The following DLC1 variants were observed in gnomAD, a reference collection of about 807,000 sequenced individuals.
The protein encoded by DLC1 is rho GTPase-activating protein 7.
A neutral mutation model predicts 140.3 loss-of-function variants in DLC1; 54 were observed. The observed-to-expected ratio is 0.38, with a 90% confidence interval of 0.31 to 0.48. The LOEUF (loss-of-function observed/expected upper bound fraction) is 0.48. DLC1 is among the 20% of genes least tolerant of loss of function. The pLI is 0.96. For missense variants in DLC1, 2,536 were observed against 1,907.0 expected (o/e 1.33, Z -6.14); for synonymous variants, 986 against 728.1 (o/e 1.35, Z -5.70).
chr8:13,319,237 A>G (rs1410242334), intron 4 of DLC1, among the ~76,000 whole-genome samples: 1 of 152,232 alleles, frequency 6.6e-6, no homozygotes, highest in Non-Finnish European at 1.5e-5. Flanking sequence ...GTAAGCATGT[A>G]AAAGACACCT....
intron 4 of DLC1, among the ~76,000 whole-genome samples, chr8:13,389,376 C>G (rs1384721969): frequency 5.9e-5 from 9 of 152,030 alleles, no homozygotes; most frequent in Non-Finnish European, 1.0e-4. Context: ...AATCAAAGCA[C>G]TTTACATAAC....
At position 13,376,505 on chromosome 8, in the gene DLC1, C is replaced by T. The variant is rs563350982; in HGVS notation, c.1314+17048G>A. On this transcript the variant is annotated intron_variant, in intron 4 of 17. Coordinates refer to ENST00000276297, the MANE Select transcript of DLC1 (RefSeq NM_182643.3). ...CCTGCCTGCAACCTACCCTTTCAAT[C>T]AGGCAATTTTAAATATGGGAAAGGC... Among the ~76,000 whole-genome samples the T allele has an allele frequency of 2.0e-5, 3 of 152,234 alleles. No homozygotes were observed. The East Asian group carries it at 5.8e-4, about 29-fold the overall frequency.
chr8:13,427,094 A>G (rs147001617), intron 2 of DLC1, among the ~76,000 whole-genome samples: 63 of 152,052 alleles, frequency 4.1e-4, no homozygotes, highest in African/African-American at 1.3e-3. Context: ...TCATTTTAGA[A>G]ATGTGTCTTT....
intron 4 of DLC1, among the ~76,000 whole-genome samples, chr8:13,350,639 CA>C (rs1351397952): frequency 6.6e-6 from 1 of 152,068 alleles, no homozygotes; most frequent in Non-Finnish European, 1.5e-5. Flanking sequence ...TCGCTTGAAC[CA>C]GGGAGGCGGA....
intron 1 of DLC1, among the ~76,000 whole-genome samples, chr8:13,579,245 C>CATATACATAT (rs1554546968): frequency 6.9e-4 from 13 of 18,898 alleles, no homozygotes; most frequent in African/African-American, 2.1e-3. Flanking sequence ...GAACAGGGAG[C>CATATACATAT]ATATATATAT....
chr8:13,263,816 T>G (rs1830567508), intron 5 of DLC1, among the ~76,000 whole-genome samples: 1 of 151,646 alleles, frequency 6.6e-6, no homozygotes, highest in Non-Finnish European at 1.5e-5. Flanking sequence ...TAATATATGT[T>G]GAACTTTGGC....
intron 1 of DLC1, among the ~76,000 whole-genome samples, chr8:13,539,752 G>A (rs1419902717): frequency 1.0e-5 from 1 of 98,612 alleles, no homozygotes; most frequent in Non-Finnish European, 2.5e-5. Context: ...GTGTGTGTAT[G>A]TGTGTGTGTG....
At chr8:13,414,036 AC>A (rs1837933357) in intron 2 of DLC1, among the ~76,000 whole-genome samples, 1 of 152,140 alleles carries the variant, frequency 6.6e-6, no homozygotes, top group Non-Finnish European at 1.5e-5. Context: ...CTTATTGAAA[AC>A]AAAAACACAA....
At chr8:13,493,036 G>GA (rs1460014423) in intron 2 of DLC1, among the ~76,000 whole-genome samples, 2 of 152,148 alleles carry the variant, frequency 1.3e-5, no homozygotes, top group Non-Finnish European at 2.9e-5. Flanking sequence ...ACTGTCACAG[G>GA]AACTTGTTAT....
chr8:13,581,965 G>T (rs927373713), intron 1 of DLC1, among the ~76,000 whole-genome samples: 2 of 152,194 alleles, frequency 1.3e-5, no homozygotes, highest in Non-Finnish European at 1.5e-5. Flanking sequence ...AAAACTCTGT[G>T]TGTGAGTGTG....
intron 5 of DLC1, chr8:13,133,050 G>C (rs1042366298): frequency 1.3e-6 from 2 of 1,569,444 alleles, no homozygotes; most frequent in Admixed American, 3.8e-5. Flanking sequence ...CGGCTTCCGC[G>C]TCGGGACCCA....
chr8:13,479,841 G>GAAAAGGAAAAGAAAGAAAGAA (rs1563383539), intron 2 of DLC1, among the ~76,000 whole-genome samples: 21 of 57,438 alleles, frequency 3.7e-4, no homozygotes, highest in Non-Finnish European at 4.8e-4. Flanking sequence ...AGAAGAAGAA[G>GAAAAGGAAAAGAAAGAAAGAA]AAGAAGAAGA....
intron 4 of DLC1, among the ~76,000 whole-genome samples, chr8:13,308,070 T>C (rs998234628): frequency 3.4e-4 from 51 of 152,200 alleles, no homozygotes; most frequent in African/African-American, 1.2e-3. Context: ...AAATCACAAG[T>C]TGACCAGTGA....
intron 2 of DLC1, among the ~76,000 whole-genome samples, chr8:13,457,632 G>A (rs201398107): frequency 1.3e-4 from 18 of 135,580 alleles, no homozygotes; most frequent in Non-Finnish European, 2.3e-4. Flanking sequence ...AGCCGAGATC[G>A]CGCCACTGCA....
intron 5 of DLC1, among the ~76,000 whole-genome samples, chr8:13,175,287 A>T (rs114669574): frequency 0.034 from 4,911 of 144,660 alleles, 87 homozygotes; most frequent in Non-Finnish European, 0.039. Context: ...GAAGTTGGGT[A>T]ATGTGATGCC....
intron 5 of DLC1, among the ~76,000 whole-genome samples, chr8:13,219,704 C>T (rs1003918178): frequency 3.3e-5 from 5 of 151,804 alleles, no homozygotes; most frequent in African/African-American, 9.7e-5. Context: ...AAATATGGGT[C>T]TTCAAACAAA....
intron 1 of DLC1, among the ~76,000 whole-genome samples, chr8:13,532,363 C>T: frequency 6.6e-6 from 1 of 152,306 alleles, no homozygotes; most frequent in Non-Finnish European, 1.5e-5. Context: ...AAATTAGGCC[C>T]TGAATTACAT....
At chr8:13,545,802 C>T (rs576854710) in intron 1 of DLC1, among the ~76,000 whole-genome samples, 1 of 152,112 alleles carries the variant, frequency 6.6e-6, no homozygotes, top group East Asian at 1.9e-4. Context: ...TTAAAGAAAT[C>T]TTAGAATTAT....
intron 5 of DLC1, among the ~76,000 whole-genome samples, chr8:13,116,622 C>G (rs1439153033): frequency 6.6e-6 from 1 of 152,188 alleles, no homozygotes; most frequent in African/African-American, 2.4e-5. Flanking sequence ...TAGTTCATAT[C>G]AGAAGTGTAA....
Sources: allele counts gnomAD v4.1 joint callset (sites outside exome capture counted in the v4.1 genomes callset), GRCh38; gene constraint gnomAD v4.1.1; transcripts MANE v1.5; gene names NCBI Gene and HGNC (gene_info 2026-07-23, HGNC 2026-07-21).